The following LRFN5 variants were observed in gnomAD, a reference collection of about 807,000 sequenced individuals.
The protein encoded by LRFN5 is leucine-rich repeat and fibronectin type-III domain-containing protein 5.
Under a neutral mutation model 45.6 loss-of-function variants are expected in LRFN5, and 24 were observed. The ratio of observed to expected loss-of-function variants is 0.53; its 90% CI spans 0.38 to 0.74. The LOEUF (loss-of-function observed/expected upper bound fraction) is 0.74, where lower values mean the gene tolerates loss of function less well. Ranked by LOEUF, LRFN5 falls within the 30% of genes least tolerant of loss-of-function variation. The pLI is 0.00. For synonymous variants in LRFN5, 340 were observed against 313.8 expected (o/e 1.08, Z -0.88); for missense variants, 776 against 861.5 (o/e 0.90, Z 1.24).
At chr14:41,653,775 G>C (rs755944325) in intron 1 of LRFN5, among the ~76,000 whole-genome samples, 19 of 152,114 alleles carry the variant, frequency 1.2e-4, no homozygotes, top group African/African-American at 4.6e-4. Flanking sequence ...CTACAGGGAA[G>C]AGGAAAAGAT....
At chr14:41,688,037 A>T (rs1882199261) in intron 1 of LRFN5, among the ~76,000 whole-genome samples, 1 of 152,188 alleles carries the variant, frequency 6.6e-6, no homozygotes, top group Admixed American at 6.5e-5. Context: ...CCTGAAGATT[A>T]TTATGTTAAG....
intron 2 of LRFN5, among the ~76,000 whole-genome samples, chr14:41,790,725 A>C (rs1252659498): frequency 6.6e-6 from 1 of 151,396 alleles, no homozygotes; most frequent in Non-Finnish European, 1.5e-5. Context: ...ATCTTTTAAC[A>C]GTTATGACTA....
intron 1 of LRFN5, among the ~76,000 whole-genome samples, chr14:41,746,863 C>T (rs1884941990): frequency 6.6e-6 from 1 of 151,662 alleles, no homozygotes; most frequent in South Asian, 2.1e-4. Context: ...GCAAAATAAG[C>T]GAATACAATG....
chr14:41,788,551 GT>G (rs1003458471), intron 2 of LRFN5, among the ~76,000 whole-genome samples: 41 of 139,544 alleles, frequency 2.9e-4, no homozygotes, highest in African/African-American at 9.1e-4. Context: ...AAAAAATTAT[GT>G]TTAAAAAAAA....
chr14:41,632,043 A>G (rs1264849398), intron 1 of LRFN5, among the ~76,000 whole-genome samples: 1 of 152,144 alleles, frequency 6.6e-6, no homozygotes, highest in Non-Finnish European at 1.5e-5. Context: ...ACTAAAGTCT[A>G]TGCTGATCAA....
At chr14:41,783,857 A>G (rs1215915563) in intron 2 of LRFN5, among the ~76,000 whole-genome samples, 1 of 152,046 alleles carries the variant, frequency 6.6e-6, no homozygotes, top group African/African-American at 2.4e-5. Context: ...TGATTAATAG[A>G]GGTTCTTACT....
chr14:41,722,941 A>G (rs1883787609), intron 1 of LRFN5, among the ~76,000 whole-genome samples: 1 of 152,168 alleles, frequency 6.6e-6, no homozygotes, highest in Non-Finnish European at 1.5e-5. Flanking sequence ...GTGCCAAGGG[A>G]GAATCAAATG....
chr14:41,640,719 G>C (rs1594573636), intron 1 of LRFN5, among the ~76,000 whole-genome samples: 1 of 151,944 alleles, frequency 6.6e-6, no homozygotes, highest in Non-Finnish European at 1.5e-5. Flanking sequence ...AAAAACTATT[G>C]TACAAATAAA....
chr14:41,805,132 A>G (rs1205765862), intron 2 of LRFN5, among the ~76,000 whole-genome samples: 1 of 149,866 alleles, frequency 6.7e-6, no homozygotes, highest in Non-Finnish European at 1.5e-5. Flanking sequence ...ATTTAAATAA[A>G]AATTTGATTA....
chr14:41,777,768 T>C (rs1383738643), intron 2 of LRFN5, among the ~76,000 whole-genome samples: 1 of 151,834 alleles, frequency 6.6e-6, no homozygotes, highest in East Asian at 1.9e-4. Flanking sequence ...GTACCATTTT[T>C]GGATATATAC....
intron 2 of LRFN5, among the ~76,000 whole-genome samples, chr14:41,781,631 A>G (rs554152653): frequency 1.4e-4 from 20 of 143,732 alleles, no homozygotes; most frequent in Non-Finnish European, 2.7e-4. Context: ...AGAAAGAAAG[A>G]AAGGAAAGAA....
rs190484242 is a variant in LRFN5, at chr14:41,896,528, A to G, written c.2099-2389A>G. On this transcript the variant is annotated intron_variant, in intron 4 of 5. Transcript: ENST00000298119. ...TTTATGTTGCTAATAATAACACTGT[A>G]CCTTACAATGTTAGTGATATTTAAG... 2.0e-3 allele frequency among the ~76,000 whole-genome samples: 299 copies of G among 152,282 alleles called. 3 individuals carry two copies. Among genetic ancestry groups the G allele is most frequent in the African/African-American group, 7.0e-3 (292 of 41,568 alleles).
intron 1 of LRFN5, among the ~76,000 whole-genome samples, chr14:41,678,763 A>C (rs953108751): frequency 6.6e-6 from 1 of 152,194 alleles, no homozygotes; most frequent in Admixed American, 6.5e-5. Context: ...CTATCCACAC[A>C]AGAAAGCACC....
At chr14:41,807,794 A>T (rs1006393355) in intron 2 of LRFN5, among the ~76,000 whole-genome samples, 1 of 152,070 alleles carries the variant, frequency 6.6e-6, no homozygotes, top group African/African-American at 2.4e-5. Context: ...AGAAATTACC[A>T]TGAGCCCCCA....
At chr14:41,619,843 A>T (rs1342641074) in intron 1 of LRFN5, among the ~76,000 whole-genome samples, 1 of 152,014 alleles carries the variant, frequency 6.6e-6, no homozygotes, top group African/African-American at 2.4e-5. Flanking sequence ...AATGTTGATG[A>T]CCATCCCAAA....
In LRFN5 at chr14:41,690,474, G is replaced by A. The variant is rs556685739; in HGVS notation, c.-196-76380G>A. On this transcript the variant is annotated intron_variant, in intron 1 of 5. Coordinates refer to ENST00000298119, the MANE Select transcript of LRFN5 (RefSeq NM_152447.5). Reference sequence around the variant, plus strand: ...AGGCTGAGGCATGAAAATCACTTGCGCCCTTGGGAGGTGGAGGTTGCAGTG... The same window carrying A: ...AGGCTGAGGCATGAAAATCACTTGCACCCTTGGGAGGTGGAGGTTGCAGTG... 2.2e-4 allele frequency among the ~76,000 whole-genome samples: 33 copies of A among 152,172 alleles called. No individual in the cohort carries two copies. In the East Asian group the frequency reaches 4.8e-3, roughly 22 times the overall value.
At chr14:41,619,159 A>G (rs1360479547) in intron 1 of LRFN5, among the ~76,000 whole-genome samples, 1 of 152,012 alleles carries the variant, frequency 6.6e-6, no homozygotes, top group East Asian at 1.9e-4. Flanking sequence ...ATTTCATTTT[A>G]TCTTCTAATT....
intron 1 of LRFN5, among the ~76,000 whole-genome samples, chr14:41,694,083 C>T (rs1882494868): frequency 6.6e-6 from 1 of 151,776 alleles, no homozygotes; most frequent in Non-Finnish European, 1.5e-5. Flanking sequence ...TTTTAATTGA[C>T]ATTTATGTAG....
intron 5 of LRFN5, among the ~76,000 whole-genome samples, chr14:41,900,057 ACTCT>A (rs1051726774): frequency 4.0e-5 from 6 of 149,656 alleles, no homozygotes; most frequent in African/African-American, 1.5e-4. Flanking sequence ...TCTACCCATC[ACTCT>A]CTCTCCCTCT....
Sources: gnomAD v4.1 joint callset for allele counts (sites outside exome capture counted in the v4.1 genomes callset) on GRCh38, gnomAD v4.1.1 for gene constraint, MANE v1.5 for transcripts, NCBI Gene and HGNC (gene_info 2026-07-23, HGNC 2026-07-21) for gene names.